Variants in PTPRN2 observed in about 807,000 individuals in gnomAD.
PTPRN2 encodes the protein protein tyrosine phosphatase receptor type N2.
PTPRN2 carries 74 observed loss-of-function variants against 118.8 expected under a neutral mutation model. That is an observed-to-expected ratio of 0.62 (90% CI 0.52 to 0.76). The LOEUF (loss-of-function observed/expected upper bound fraction) is 0.76. PTPRN2 is among the 30% of genes least tolerant of loss of function. PTPRN2 has a pLI of 0.00. For synonymous variants in PTPRN2, 641 were observed against 608.0 expected (o/e 1.05, Z -0.80); for missense variants, 1,481 against 1,394.4 (o/e 1.06, Z -0.99).
At chr7:158,482,948 A>C (rs1341231672) in intron 2 of PTPRN2, among the ~76,000 whole-genome samples, 2 of 152,222 alleles carry the variant, frequency 1.3e-5, no homozygotes, top group Non-Finnish European at 2.9e-5. Flanking sequence ...GAGGCAGGTC[A>C]TAAGACCCTC....
In PTPRN2 at chr7:158,200,205, C is replaced by T. The variant is rs76250128; in HGVS notation, c.380+4966G>A. Among the ~76,000 whole-genome samples, 400 of 152,212 alleles carry T rather than the reference C, an allele frequency of 2.6e-3. 14 individuals carry two copies. The East Asian group carries it at 0.068, about 26-fold the overall frequency. ...GCTGAGTTTCAAACAGAACCAGTCTCAAAGGTCAAATTCTGAAGATAGCCA... is the reference window on the plus strand; with the variant it reads ...GCTGAGTTTCAAACAGAACCAGTCTTAAAGGTCAAATTCTGAAGATAGCCA... On this transcript the variant is annotated intron_variant, in intron 4 of 22. Coordinates refer to ENST00000389418, the MANE Select transcript of PTPRN2 (RefSeq NM_002847.5).
chr7:158,341,841 C>G (rs1195346392), intron 2 of PTPRN2, among the ~76,000 whole-genome samples: 1 of 74,170 alleles, frequency 1.3e-5, no homozygotes, highest in African/African-American at 6.4e-5. Context: ...CACTCACACC[C>G]ACACTCTCAC....
intron 1 of PTPRN2, among the ~76,000 whole-genome samples, chr7:158,568,943 T>C (rs1434372461): frequency 6.6e-6 from 1 of 152,094 alleles, no homozygotes; most frequent in African/African-American, 2.4e-5. Flanking sequence ...CTGGTCAACA[T>C]AGTGAGACCC....
rs1172606713 is a variant in PTPRN2 at position 158,171,344 on chromosome 7, TATATACAC to T, written c.550-4061_550-4054del. 8.0e-4 allele frequency among the ~76,000 whole-genome samples: 98 copies of T among 122,298 alleles called. 1 individual carries two copies. Among genetic ancestry groups the T allele is most frequent in the African/African-American group, 3.4e-3 (92 of 27,390 alleles). The allele number at this position is 122,298 out of a possible 152,430, so 80.2% of individuals were successfully genotyped here. A position where few individuals can be genotyped will look rare whatever the true frequency, so the allele number is the denominator to read the frequency against. ...ATATATATATATATATATATATATA[TATATACAC>T]ACACACATTTTTTTAAGACATAGTC... On this transcript the variant is annotated intron_variant, in intron 5 of 22. Transcript: ENST00000389418.
intron 11 of PTPRN2, among the ~76,000 whole-genome samples, chr7:158,067,082 CCTG>C (rs1178331491): frequency 1.3e-5 from 2 of 152,222 alleles, no homozygotes; most frequent in Non-Finnish European, 2.9e-5. Context: ...ACCTAAGCAG[CCTG>C]CTGCTGTAGT....
intron 5 of PTPRN2, among the ~76,000 whole-genome samples, chr7:158,176,964 G>A (rs1215928811): frequency 1.3e-5 from 2 of 152,168 alleles, no homozygotes; most frequent in East Asian, 3.9e-4. Context: ...ATCTCTCTAG[G>A]TGGCCCTCCT....
rs773276067 is a variant in PTPRN2 at position 158,004,028 on chromosome 7, C to T, written c.1723+77270G>A. ...CTGAGTTCCAGAAGACTCCGGCTCT[C>T]GGATGGGAGCAGCCCCCATGGCTGC... On this transcript the variant is annotated intron_variant, in intron 11 of 22. Transcript: ENST00000389418. Among the ~76,000 whole-genome samples the T allele has an allele frequency of 4.6e-5, 7 of 152,266 alleles. No individual in the cohort carries two copies. In the East Asian group the frequency reaches 7.7e-4, roughly 17 times the overall value.
At chr7:157,896,509 G>A (rs985536362) in intron 12 of PTPRN2, among the ~76,000 whole-genome samples, 7 of 151,586 alleles carry the variant, frequency 4.6e-5, no homozygotes, top group African/African-American at 7.3e-5. Context: ...GCTCAGGTGC[G>A]CGTGGGAAGG....
At chr7:158,311,645 G>T (rs1801742623) in intron 3 of PTPRN2, among the ~76,000 whole-genome samples, 1 of 152,230 alleles carries the variant, frequency 6.6e-6, no homozygotes, top group South Asian at 2.1e-4. Flanking sequence ...AGACTCTGAA[G>T]GCCGCGCAAG....
intron 3 of PTPRN2, among the ~76,000 whole-genome samples, chr7:158,231,703 A>T (rs1829173458): frequency 6.6e-6 from 1 of 152,208 alleles, no homozygotes; most frequent in Non-Finnish European, 1.5e-5. Context: ...CACTCTCCAG[A>T]ATACACCACA....
At chr7:158,209,657 G>C (rs988622551) in intron 3 of PTPRN2, among the ~76,000 whole-genome samples, 2 of 152,144 alleles carry the variant, frequency 1.3e-5, no homozygotes, top group East Asian at 3.8e-4. Flanking sequence ...GAAATTCAAC[G>C]AAGATATATT....
At chr7:157,684,482 C>T (rs1007375797) in intron 12 of PTPRN2, among the ~76,000 whole-genome samples, 3 of 151,462 alleles carry the variant, frequency 2.0e-5, no homozygotes, top group African/African-American at 7.3e-5. Context: ...ACCAGGGGAG[C>T]GGCCCGAACC....
chr7:157,661,857 G>A (rs1795908264), intron 13 of PTPRN2, among the ~76,000 whole-genome samples: 1 of 152,204 alleles, frequency 6.6e-6, no homozygotes, highest in Admixed American at 6.5e-5. Flanking sequence ...AGGCTTTTCT[G>A]AAGGCTCTGG....
At chr7:158,122,063 G>A (rs895149445) in intron 9 of PTPRN2, among the ~76,000 whole-genome samples, 2 of 152,220 alleles carry the variant, frequency 1.3e-5, no homozygotes, top group East Asian at 1.9e-4. Flanking sequence ...CAGCAGGTGC[G>A]ACGTGCTGTG....
chr7:158,375,142 C>T (rs540833249), intron 2 of PTPRN2, among the ~76,000 whole-genome samples: 79 of 152,288 alleles, frequency 5.2e-4, no homozygotes, highest in African/African-American at 1.8e-3. Context: ...ATATGAGAGG[C>T]AGTGGCCGGC....
chr7:158,171,314 T>TATATATATATACATAC (rs1823658418), intron 5 of PTPRN2, among the ~76,000 whole-genome samples: 3 of 98,316 alleles, frequency 3.1e-5, no homozygotes, highest in African/African-American at 1.4e-4. Flanking sequence ...CACACATATA[T>TATATATATATACATAC]ATATATATAT....
intron 11 of PTPRN2, among the ~76,000 whole-genome samples, chr7:158,042,317 G>A (rs571272432): frequency 1.3e-5 from 2 of 152,256 alleles, no homozygotes; most frequent in African/African-American, 2.4e-5. Context: ...CAGAGGGGTC[G>A]GGAGTTCCGG....
chr7:157,591,984 G>A lies in PTPRN2; in HGVS notation c.2496+3254C>T, dbSNP rs1801008144. On this transcript the variant is annotated intron_variant, in intron 17 of 22. Coordinates refer to ENST00000389418, the MANE Select transcript of PTPRN2 (RefSeq NM_002847.5). The surrounding 1 kb of genome is among the most constrained non-coding windows in gnomAD (Gnocchi z 4.4). ...GCATGCTCGAGAACATCCTGGGAGG[G>A]CTGAGGCTACTGGCCATGAGCTCTT... Among the ~76,000 whole-genome samples, 1 of 152,188 alleles carries A rather than the reference G, an allele frequency of 6.6e-6. No homozygotes were observed. The highest frequency in any genetic ancestry group is 2.1e-4 in the South Asian group (1 of 4,828).
At position 158,315,056 on chromosome 7, in the gene PTPRN2, G is replaced by A. The variant is rs113550623; in HGVS notation, c.277+1763C>T. 4.7e-3 allele frequency among the ~76,000 whole-genome samples: 418 copies of A among 88,996 alleles called. 9 individuals carry two copies. Among genetic ancestry groups the A allele is most frequent in the African/African-American group, 0.015 (321 of 21,066 alleles). The allele number at this position is 88,996 out of a possible 152,430, so 58.4% of individuals were successfully genotyped here. Reference sequence around the variant, plus strand: ...CGCCCTCAAGGACAGAGGTGAACCCGGGACGCCCTCAAGGACAGAGGTGAA... The same window carrying A: ...CGCCCTCAAGGACAGAGGTGAACCCAGGACGCCCTCAAGGACAGAGGTGAA... On this transcript the variant is annotated intron_variant, in intron 3 of 22. Transcript: ENST00000389418.
Sources: allele counts gnomAD v4.1 joint callset (sites outside exome capture counted in the v4.1 genomes callset), GRCh38; gene constraint gnomAD v4.1.1; non-coding constraint Gnocchi (gnomAD v3.1); transcripts MANE v1.5; gene names NCBI Gene and HGNC (gene_info 2026-07-23, HGNC 2026-07-21).